SORT1: variants seen among roughly 807,000 people sequenced by gnomAD.
SORT1 encodes the protein sortilin 1.
Under a neutral mutation model 101.7 loss-of-function variants are expected in SORT1, and 39 were observed. That is an observed-to-expected ratio of 0.38 (90% CI 0.30 to 0.50). SORT1 has a LOEUF of 0.50. SORT1 is among the 20% of genes least tolerant of loss of function. SORT1 has a pLI of 0.90. For missense variants in SORT1, 878 were observed against 1,040.4 expected, an observed-to-expected ratio of 0.84 and a Z score of 2.15; for synonymous variants, 396 against 393.7, an observed-to-expected ratio of 1.01 and a Z score of -0.07.
intron 6 of SORT1, among the ~76,000 whole-genome samples, chr1:109,350,535 A>G (rs1649894264): frequency 6.6e-6 from 1 of 152,238 alleles, no homozygotes. Flanking sequence ...ATTCCTTGCC[A>G]TGTTCTACAT....
chr1:109,326,964 AGTGT>A, intron 13 of SORT1, 24 bp downstream of exon 13: 1 of 1,558,550 alleles, frequency 6.4e-7, no homozygotes, highest in South Asian at 1.2e-5. Context: ...CTATGCAGAC[AGTGT>A]GTGTGAGATG....
At chr1:109,396,180 C>T (rs1368010282) in intron 1 of SORT1, among the ~76,000 whole-genome samples, 1 of 151,850 alleles carries the variant, frequency 6.6e-6, no homozygotes, top group Non-Finnish European at 1.5e-5. Flanking sequence ...CTCTATCTCA[C>T]AAAAAAAGAG....
intron 11 of SORT1, 148 bp from the exon 12 acceptor site, chr1:109,327,749 T>C (rs1297936270): frequency 2.1e-6 from 1 of 483,166 alleles, no homozygotes; most frequent in African/African-American, 2.0e-5. Context: ...TATTTAGGTG[T>C]ATAGTTCAGT....
intron 13 of SORT1, 27 bp downstream of exon 13, chr1:109,326,963 CAG>C: frequency 6.4e-7 from 1 of 1,555,052 alleles, no homozygotes; most frequent in Non-Finnish European, 8.7e-7. Context: ...TCTATGCAGA[CAG>C]TGTGTGTGAG....
At position 109,351,037 on chromosome 1, in the gene SORT1, C is replaced by T. The variant is rs371549939; in HGVS notation, c.709-35G>A. ...TATAAATGACTTATCAAAATTCTAG[C>T]TTTATCCTGTGTAGTTGCTTGTATG... is the stretch of plus-strand genomic sequence containing the variant. On this transcript the variant is annotated intron_variant, in intron 5 of 19. Transcript: ENST00000256637. The T allele has an allele frequency of 6.4e-5, 89 of 1,399,762 alleles. No homozygotes were observed. In the African/African-American group the frequency reaches 1.1e-3, roughly 17 times the overall value. 86.7% of individuals were successfully genotyped at this position (1,399,762 alleles called of 1,614,324 possible). A position where few individuals can be genotyped will look rare whatever the true frequency, so the allele number is the denominator to read the frequency against.
At chr1:109,381,068 A>G (rs1167060330) in intron 1 of SORT1, among the ~76,000 whole-genome samples, 1 of 152,180 alleles carries the variant, frequency 6.6e-6, no homozygotes, top group Non-Finnish European at 1.5e-5. Context: ...GGGAGTACAT[A>G]AATTGCTGCA....
intron 3 of SORT1, among the ~76,000 whole-genome samples, chr1:109,360,656 A>C (rs1650661629): frequency 1.3e-5 from 2 of 152,206 alleles, no homozygotes; most frequent in South Asian, 4.1e-4. Context: ...AAGCTTGAAA[A>C]CAATTCTCTT....
chr1:109,383,493 C>T (rs1040945056), intron 1 of SORT1, among the ~76,000 whole-genome samples: 2 of 152,190 alleles, frequency 1.3e-5, no homozygotes, highest in Non-Finnish European at 2.9e-5. Flanking sequence ...TACAAAAGAA[C>T]GTTAAGCCTA....
At position 109,326,482 on chromosome 1, in the gene SORT1, CACAT is replaced by C. The variant is rs1271895542; in HGVS notation, c.1643+506_1643+509del. On this transcript the variant is annotated intron_variant, in intron 13 of 19. Coordinates refer to ENST00000256637, the MANE Select transcript of SORT1 (RefSeq NM_002959.7). ...ATATATATACATACACACACACACA[CACAT>C]ATATATACACACATATATACACACA... Among the ~76,000 whole-genome samples, 52 of 109,594 alleles carry C rather than the reference CACAT, an allele frequency of 4.7e-4. 1 individual carries two copies. The highest frequency in any genetic ancestry group is 1.0e-3 in the East Asian group (3 of 2,902). The allele number at this position is 109,594 out of a possible 152,430, so 71.9% of individuals were successfully genotyped here.
At chr1:109,348,497 G>C (rs868676649) in intron 6 of SORT1, among the ~76,000 whole-genome samples, 1 of 151,984 alleles carries the variant, frequency 6.6e-6, no homozygotes, top group South Asian at 2.1e-4. Flanking sequence ...GGTTTTGTTT[G>C]TTTATTTAAG....
In SORT1 at chr1:109,327,102, C is replaced by A; in HGVS notation, c.1533G>T (p.Gly511=). The A allele has an allele frequency of 6.2e-7, 1 of 1,613,570 alleles. No homozygotes were observed. The highest frequency in any genetic ancestry group is 8.5e-7 in the Non-Finnish European group (1 of 1,179,860). ...CCAGCATCTTTGTCCAGGAGTAACC[C>A]CCATCATCTGAGATGTACACATCTG... ...MVPDVYISDD[G]GYSWTKMLEG... The change falls in exon 13 of 20, where the codon GGG becomes GGT. Residue 511 remains glycine, a synonymous_variant. Coordinates refer to ENST00000256637, the MANE Select transcript of SORT1 (RefSeq NM_002959.7).
At chr1:109,333,708 C>T (rs547523443) in intron 11 of SORT1, among the ~76,000 whole-genome samples, 1 of 152,294 alleles carries the variant, frequency 6.6e-6, no homozygotes, top group African/African-American at 2.4e-5. Context: ...GATATTATCT[C>T]ACCCAAGTTA....
intron 1 of SORT1, among the ~76,000 whole-genome samples, chr1:109,385,533 A>G (rs1220953074): frequency 6.6e-6 from 1 of 152,222 alleles, no homozygotes; most frequent in Non-Finnish European, 1.5e-5. Context: ...TTTTAAAGAA[A>G]AGAAAGTGAC....
chr1:109,345,645 A>G (rs1570930028), intron 8 of SORT1, 106 bp downstream of exon 8: 3 of 1,113,872 alleles, frequency 2.7e-6, no homozygotes, highest in East Asian at 2.4e-5. Context: ...GGTACTAAAT[A>G]TAACAAAAAG....
intron 1 of SORT1, among the ~76,000 whole-genome samples, chr1:109,390,798 T>C (rs2115785): frequency 0.062 from 9,027 of 144,866 alleles, 333 homozygotes; most frequent in African/African-American, 0.075. Context: ...TGTGTGTGTG[T>C]GCGCGCGCGC....
chr1:109,336,297 C>G lies in SORT1; in HGVS notation c.1314G>C (p.Thr438=). The G allele has an allele frequency of 6.2e-7, 1 of 1,613,456 alleles. No individual in the cohort carries two copies. The highest frequency in any genetic ancestry group is 8.5e-7 in the Non-Finnish European group (1 of 1,179,376). ...CACTGTTTTCAGGCTTCCTCAGGTG[C>G]GTCCACCTTCCTCCTTGGTCAAAAG... The part of the protein sequence containing the change: ...MITFDQGGRW[T]HLRKPENSEC... The change falls in exon 11 of 20, where the codon ACG becomes ACC. Residue 438 remains threonine (T), a synonymous_variant. Transcript: ENST00000256637.
In SORT1 at chr1:109,313,870, C is replaced by T; in HGVS notation, c.*173G>A. On this transcript the variant is annotated 3_prime_UTR_variant, in exon 20 of 20. Coordinates refer to ENST00000256637, the MANE Select transcript of SORT1 (RefSeq NM_002959.7). ...AATTGTAAAAAAGTGCTCAGGGTTC[C>T]CCACCCCCACCCTGCATTTCTTTAG... 1 of 527,984 alleles carries T rather than the reference C, an allele frequency of 1.9e-6. No individual in the cohort carries two copies. The allele number at this position is 527,984 out of a possible 1,614,324, so 32.7% of individuals were successfully genotyped here.
At chr1:109,332,173 T>A (rs548648613) in intron 11 of SORT1, among the ~76,000 whole-genome samples, 14 of 152,338 alleles carry the variant, frequency 9.2e-5, no homozygotes, top group African/African-American at 3.4e-4. Flanking sequence ...TTTACTATTA[T>A]ATGGTTATAA....
At chr1:109,346,370 T>C (rs1262930946) in intron 7 of SORT1, among the ~76,000 whole-genome samples, 3 of 151,690 alleles carry the variant, frequency 2.0e-5, no homozygotes, top group African/African-American at 7.3e-5. Context: ...ATATTTGTGT[T>C]TTATTTTATA....
Sources: gnomAD v4.1 joint callset for allele counts (sites outside exome capture counted in the v4.1 genomes callset) on GRCh38, gnomAD v4.1.1 for gene constraint, MANE v1.5 for transcripts, NCBI Gene and HGNC (gene_info 2026-07-23, HGNC 2026-07-21) for gene names.